SLIT3: variants seen among roughly 807,000 people sequenced by gnomAD.
SLIT3 encodes slit guidance ligand 3.
In SLIT3, 68 loss-of-function variants were observed where a neutral mutation model predicts 184.0. That is an observed-to-expected ratio of 0.37 (90% confidence interval 0.30 to 0.45). The LOEUF (loss-of-function observed/expected upper bound fraction) is 0.45. Ranked by LOEUF, SLIT3 falls within the 20% of genes least tolerant of loss-of-function variation. The pLI, the probability that SLIT3 is intolerant of heterozygous loss-of-function variation, is 1.00. For missense variants in SLIT3, 1,707 were observed against 2,026.0 expected (o/e 0.84, Z 3.02); for synonymous variants, 831 against 828.6 (o/e 1.00, Z -0.05).
chr5:169,085,240 A>T (rs1759243910), intron 4 of SLIT3, among the ~76,000 whole-genome samples: 1 of 152,174 alleles, frequency 6.6e-6, no homozygotes, highest in Non-Finnish European at 1.5e-5. Flanking sequence ...CTGGAAACAC[A>T]TGTGGCTTAT....
At chr5:169,059,742 G>A (rs954616503) in intron 4 of SLIT3, among the ~76,000 whole-genome samples, 3 of 152,226 alleles carry the variant, frequency 2.0e-5, no homozygotes, top group Non-Finnish European at 2.9e-5. Context: ...ACGTTGCCAC[G>A]AGGCCCAGCA....
chr5:168,720,175 C>G (rs1762895640), intron 23 of SLIT3: 1 of 152,326 alleles, frequency 6.6e-6, no homozygotes, highest in Non-Finnish European at 1.5e-5. Flanking sequence ...CTCGGCCTCC[C>G]AAAGTGCTGG....
chr5:168,848,152 G>T (rs1031256631), intron 5 of SLIT3, among the ~76,000 whole-genome samples: 6 of 152,202 alleles, frequency 3.9e-5, no homozygotes, highest in Non-Finnish European at 7.3e-5. Context: ...CTTCACAGAT[G>T]GTCACCAATG....
At chr5:169,063,073 G>A (rs1185123439) in intron 4 of SLIT3, among the ~76,000 whole-genome samples, 2 of 152,222 alleles carry the variant, frequency 1.3e-5, no homozygotes, top group African/African-American at 4.8e-5. Flanking sequence ...GGTCTGCCAA[G>A]CTTAACCACG....
intron 5 of SLIT3, among the ~76,000 whole-genome samples, chr5:168,878,303 G>A (rs1263135295): frequency 1.3e-5 from 2 of 152,226 alleles, no homozygotes; most frequent in Non-Finnish European, 2.9e-5. Flanking sequence ...GAAGCAGGAA[G>A]CAATTAGGGA....
chr5:168,777,620 G>A (rs1197308854), intron 12 of SLIT3, among the ~76,000 whole-genome samples: 1 of 152,178 alleles, frequency 6.6e-6, no homozygotes, highest in African/African-American at 2.4e-5. Context: ...GGCAAAGATA[G>A]CCCAAGGTGC....
intron 4 of SLIT3, among the ~76,000 whole-genome samples, chr5:169,074,109 G>A (rs1758650908): frequency 6.6e-6 from 1 of 152,164 alleles, no homozygotes; most frequent in Admixed American, 6.5e-5. Flanking sequence ...GGGCAGTGGT[G>A]GATGGAGGGA....
intron 1 of SLIT3, among the ~76,000 whole-genome samples, chr5:169,287,414 C>T (rs1581140957): frequency 6.6e-6 from 1 of 152,290 alleles, no homozygotes; most frequent in South Asian, 2.1e-4. Flanking sequence ...TCTTCTGTCT[C>T]CCTAGCTTCC....
chr5:168,883,294 C>A lies in SLIT3; in HGVS notation c.456G>T (p.Ala152=). Residue 152 remains alanine, a synonymous_variant, in exon 5 of 36, where the codon GCG becomes GCT. Transcript: ENST00000519560. The part of the protein sequence containing the change: ...ENQIQGIPRK[A]FRGITDVKNL... ...TCTTCACATCGGTGATGCCGCGGAA[C>A]GCCTTCCTCGGGATCCCCTGGATCT... 6.2e-7 allele frequency: 1 copy of A among 1,614,104 alleles called. No individual in the cohort carries two copies. Among genetic ancestry groups the A allele is most frequent in the Non-Finnish European group, 8.5e-7 (1 of 1,179,938 alleles).
intron 4 of SLIT3, among the ~76,000 whole-genome samples, chr5:168,893,849 G>A (rs556624591): frequency 1.3e-5 from 2 of 152,194 alleles, no homozygotes; most frequent in Non-Finnish European, 1.5e-5. Context: ...TGGCCTGATA[G>A]CCTAGGTTCA....
chr5:168,947,515 A>AG (rs1425134474), intron 4 of SLIT3, among the ~76,000 whole-genome samples: 2 of 152,182 alleles, frequency 1.3e-5, no homozygotes, highest in African/African-American at 4.8e-5. Context: ...AAGAAAAAAA[A>AG]CAGGCTGGGG....
chr5:168,934,917 C>T (rs975624245), intron 4 of SLIT3, among the ~76,000 whole-genome samples: 1 of 149,874 alleles, frequency 6.7e-6, no homozygotes, highest in Non-Finnish European at 1.5e-5. Flanking sequence ...ATCACAAGGT[C>T]AGGAGCTTGA....
intron 3 of SLIT3, among the ~76,000 whole-genome samples, chr5:169,228,270 A>T (rs1764876856): frequency 6.6e-6 from 1 of 152,156 alleles, no homozygotes; most frequent in African/African-American, 2.4e-5. Context: ...TGCTGGAAGA[A>T]TATTGGGGAG....
intron 4 of SLIT3, among the ~76,000 whole-genome samples, chr5:169,148,699 G>A (rs753046655): frequency 1.3e-5 from 2 of 152,144 alleles, no homozygotes; most frequent in Non-Finnish European, 2.9e-5. Flanking sequence ...GTTACTAATT[G>A]TGATTTGGCA....
chr5:168,790,562 G>A (rs1347699421), intron 10 of SLIT3: 1 of 152,138 alleles, frequency 6.6e-6, no homozygotes, highest in Non-Finnish European at 1.5e-5. Context: ...GCTCAGGGAT[G>A]GCCTCTGGGA....
chr5:169,270,013 A>G (rs1447831407), intron 1 of SLIT3, among the ~76,000 whole-genome samples: 1 of 152,212 alleles, frequency 6.6e-6, no homozygotes, highest in Non-Finnish European at 1.5e-5. Flanking sequence ...ATAGATCTCT[A>G]CACTTTACAT....
At chr5:168,754,627 G>T (rs2337551) in intron 16 of SLIT3, among the ~76,000 whole-genome samples, 1 of 152,072 alleles carries the variant, frequency 6.6e-6, no homozygotes, top group African/African-American at 2.4e-5. Flanking sequence ...GAAAAGATTT[G>T]AAATACCTCC....
chr5:169,286,732 C>T (rs1767160160), intron 1 of SLIT3, among the ~76,000 whole-genome samples: 3 of 152,186 alleles, frequency 2.0e-5, no homozygotes, highest in Non-Finnish European at 4.4e-5. Flanking sequence ...CTCGACAAAG[C>T]TATTTTCCCC....
At chr5:168,755,407 T>TTCTTTCTCTTTCTTTC (rs1561913348) in intron 16 of SLIT3, among the ~76,000 whole-genome samples, 1 of 20,884 alleles carries the variant, frequency 4.8e-5, no homozygotes, top group East Asian at 1.4e-3. Flanking sequence ...CTTTCTTTCT[T>TTCTTTCTCTTTCTTTC]TCTTTCTTTC....
Sources: gnomAD v4.1 joint callset for allele counts (sites outside exome capture counted in the v4.1 genomes callset) on GRCh38, gnomAD v4.1.1 for gene constraint, MANE v1.5 for transcripts, NCBI Gene and HGNC (gene_info 2026-07-23, HGNC 2026-07-21) for gene names.